The following PIBF1 variants were observed in gnomAD, a reference collection of about 807,000 sequenced individuals.
PIBF1 encodes progesterone immunomodulatory binding factor 1.
Under a neutral mutation model 112.5 loss-of-function variants are expected in PIBF1, and 90 were observed. The observed-to-expected ratio is 0.80, with a 90% CI of 0.67 to 0.95. The LOEUF is 0.95. Among genes scored for constraint, PIBF1 ranks in the 40% least tolerant of loss-of-function variants. The probability of loss-of-function intolerance (pLI) is 0.00; values close to 1 mark genes in which losing one functional copy is unlikely to be tolerated. For synonymous variants in PIBF1, 301 were observed against 288.6 expected, an observed-to-expected ratio of 1.04 and a Z score of -0.44; for missense variants, 915 against 852.3, an observed-to-expected ratio of 1.07 and a Z score of -0.92.
intron 14 of PIBF1, among the ~76,000 whole-genome samples, chr13:72,941,869 T>C (rs913163663): frequency 2.0e-5 from 3 of 152,146 alleles, no homozygotes; most frequent in African/African-American, 7.2e-5. Context: ...ACCCAGCATA[T>C]ACAGAGAGGA....
chr13:72,808,325 A>G (rs893914928), intron 5 of PIBF1, among the ~76,000 whole-genome samples: 1 of 152,186 alleles, frequency 6.6e-6, no homozygotes. Flanking sequence ...GCTAATTCCA[A>G]ACACTGGGTC....
chr13:72,877,936 A>T (rs2039475874), intron 10 of PIBF1, among the ~76,000 whole-genome samples: 1 of 151,724 alleles, frequency 6.6e-6, no homozygotes, highest in South Asian at 2.1e-4. Flanking sequence ...TTTAGTAGAG[A>T]TGGGGTTTCT....
intron 10 of PIBF1, among the ~76,000 whole-genome samples, chr13:72,858,582 T>G (rs1255591218): frequency 6.6e-6 from 1 of 152,234 alleles, no homozygotes; most frequent in Non-Finnish European, 1.5e-5. Flanking sequence ...CTATTAACAT[T>G]TATTGCTTCT....
At chr13:72,911,908 T>C (rs1011619884) in intron 12 of PIBF1, among the ~76,000 whole-genome samples, 2 of 151,488 alleles carry the variant, frequency 1.3e-5, no homozygotes, top group Non-Finnish European at 2.9e-5. Flanking sequence ...GGCAGGTGGA[T>C]CACTTGAGCT....
At chr13:72,818,283 C>G (rs890733377) in intron 5 of PIBF1, among the ~76,000 whole-genome samples, 9 of 152,120 alleles carry the variant, frequency 5.9e-5, no homozygotes, top group Non-Finnish European at 1.0e-4. Flanking sequence ...CATTTGCAGA[C>G]CACTGGGACA....
rs1435410782 is a variant in PIBF1 at position 72,793,546 on chromosome 13, C to A, written c.353+999C>A. 5.9e-5 allele frequency among the ~76,000 whole-genome samples: 9 copies of A among 152,282 alleles called. No individual in the cohort carries two copies. The East Asian group carries it at 1.7e-3, about 29-fold the overall frequency. On this transcript the variant is annotated intron_variant, in intron 3 of 17. Transcript: ENST00000326291. ...AGATGCTGCTGGTCCAGAAACAATA[C>A]TTTGAGAACCACTGCATTTGATAAT...
At chr13:72,851,639 C>T (rs919515972) in intron 9 of PIBF1, among the ~76,000 whole-genome samples, 7 of 152,216 alleles carry the variant, frequency 4.6e-5, no homozygotes, top group African/African-American at 1.7e-4. Flanking sequence ...TGGTGAAGCC[C>T]CACCCTCAAG....
At chr13:72,838,766 G>A (rs745346215) in intron 9 of PIBF1, among the ~76,000 whole-genome samples, 2 of 152,024 alleles carry the variant, frequency 1.3e-5, no homozygotes, top group South Asian at 2.1e-4. Context: ...TTGTCAATAC[G>A]GACTCAAATA....
At chr13:72,875,498 AAAG>A (rs1376807986) in intron 10 of PIBF1, among the ~76,000 whole-genome samples, 1 of 152,168 alleles carries the variant, frequency 6.6e-6, no homozygotes. Flanking sequence ...GGGAAAAAAA[AAAG>A]AAGAAACCAC....
chr13:72,936,536 T>C (rs1566468582), intron 14 of PIBF1, among the ~76,000 whole-genome samples: 3 of 152,214 alleles, frequency 2.0e-5, no homozygotes. Context: ...GAGTGGAAGA[T>C]ATAGATTGAA....
intron 14 of PIBF1, among the ~76,000 whole-genome samples, chr13:72,938,225 A>T (rs551188873): frequency 2.0e-5 from 3 of 152,132 alleles, no homozygotes; most frequent in Non-Finnish European, 4.4e-5. Context: ...TACCATTTTA[A>T]CCATTTTAAA....
At chr13:72,793,362 C>A (rs2035030712) in intron 3 of PIBF1, among the ~76,000 whole-genome samples, 1 of 152,118 alleles carries the variant, frequency 6.6e-6, no homozygotes, top group Admixed American at 6.5e-5. Flanking sequence ...TTTTTATCAG[C>A]CACTATCACA....
intron 5 of PIBF1, among the ~76,000 whole-genome samples, chr13:72,814,452 AG>A (rs1283097362): frequency 6.6e-6 from 1 of 150,930 alleles, no homozygotes; most frequent in African/African-American, 2.4e-5. Flanking sequence ...AAAAAAAAAA[AG>A]ATTGAAAAAT....
chr13:72,834,054 A>G lies in PIBF1; in HGVS notation c.1098-1189A>G, dbSNP rs146014191. On this transcript the variant is annotated intron_variant, in intron 8 of 17. Coordinates refer to ENST00000326291, the MANE Select transcript of PIBF1 (RefSeq NM_006346.4). ...TTGTGGCATAATTTTTTAAATTCCT[A>G]TGACTAATATCTCTATAGAAGTATT... Among the ~76,000 whole-genome samples, 8 of 152,318 alleles carry G rather than the reference A, an allele frequency of 5.3e-5. No homozygotes were observed. In the East Asian group the frequency reaches 1.5e-3, roughly 29 times the overall value.
At chr13:72,973,529 C>G in intron 15 of PIBF1, 62 bp from the exon 16 acceptor site, 1 of 760,046 alleles carries the variant, frequency 1.3e-6, no homozygotes, top group African/African-American at 1.9e-5. Context: ...TAATATTTAC[C>G]ATTTATTAAC....
rs761287843 is a variant in PIBF1, at chr13:72,908,577, G to T, written c.1535G>T (p.Arg512Leu). The T allele has an allele frequency of 4.3e-6, 7 of 1,612,128 alleles. No homozygotes were observed. The highest frequency in any genetic ancestry group is 4.2e-6 in the Non-Finnish European group (5 of 1,178,630). ...FYSLQASSEK[R>L]ITELQAQNSE... ...AGTCTCCAAGCCTCTTCTGAAAAAC[G>T]CATTACTGAACTTCAAGCACAGAAC... The change falls in exon 12 of 18, where the codon CGC becomes CTC. Residue 512 changes from arginine to leucine, a missense_variant. Coordinates refer to ENST00000326291, the MANE Select transcript of PIBF1 (RefSeq NM_006346.4).
chr13:72,835,382 A>G lies in PIBF1; in HGVS notation c.1223+14A>G. ...ACGAGAAAACAGGTAAAAAAAAAAA[A>G]ATGCTTGTATGGTATTTTATTTATC... On this transcript the variant is annotated intron_variant, in intron 9 of 17. Coordinates refer to ENST00000326291, the MANE Select transcript of PIBF1 (RefSeq NM_006346.4). 6.5e-7 allele frequency: 1 copy of G among 1,548,568 alleles called. No homozygotes were observed. The highest frequency in any genetic ancestry group is 8.7e-7 in the Non-Finnish European group (1 of 1,152,300).
In PIBF1 at chr13:72,801,521, A is replaced by G. The variant is rs537210655; in HGVS notation, c.672+3495A>G. On this transcript the variant is annotated intron_variant, in intron 5 of 17. Transcript: ENST00000326291. ...ACAGACCTTACATGGTGCTATTTTC[A>G]GTAGAGAGAAATGTAAACAAACGTA... Among the ~76,000 whole-genome samples, 6 of 152,306 alleles carry G rather than the reference A, an allele frequency of 3.9e-5. No homozygotes were observed. In the East Asian group the frequency reaches 5.8e-4, roughly 15 times the overall value.
At chr13:72,906,170 T>C (rs2040696924) in intron 11 of PIBF1, among the ~76,000 whole-genome samples, 5 of 152,172 alleles carry the variant, frequency 3.3e-5, no homozygotes, top group Non-Finnish European at 1.5e-5. Flanking sequence ...AATGGACTTT[T>C]CTGGGCTTTT....
Sources: gnomAD v4.1 joint callset for allele counts (sites outside exome capture counted in the v4.1 genomes callset) on GRCh38, gnomAD v4.1.1 for gene constraint, MANE v1.5 for transcripts, NCBI Gene and HGNC (gene_info 2026-07-23, HGNC 2026-07-21) for gene names.